The following KDM2B variants were observed in gnomAD, a reference collection of about 807,000 sequenced individuals.
The protein encoded by KDM2B is lysine demethylase 2B.
In KDM2B, 26 loss-of-function variants were observed where a neutral mutation model predicts 150.0. That is an observed-to-expected ratio of 0.17 (90% CI 0.13 to 0.24). The LOEUF is 0.24. Ranked by LOEUF, KDM2B falls within the 10% of genes least tolerant of loss-of-function variation. The pLI is 1.00. For synonymous variants in KDM2B, 734 were observed against 729.5 expected, an observed-to-expected ratio of 1.01 and a Z score of -0.10; for missense variants, 1,265 against 1,816.9, an observed-to-expected ratio of 0.70 and a Z score of 5.52.
chr12:121,560,882 C>G (rs1555313746), intron 4 of KDM2B, among the ~76,000 whole-genome samples: 1 of 152,196 alleles, frequency 6.6e-6, no homozygotes, highest in African/African-American at 2.4e-5. Context: ...TTAGGAGCAG[C>G]CATCCCTAGA....
chr12:121,493,062 T>C (rs1222560202), intron 12 of KDM2B, among the ~76,000 whole-genome samples: 1 of 130,148 alleles, frequency 7.7e-6, no homozygotes, highest in Non-Finnish European at 1.6e-5. Context: ...TGCCTGGCTT[T>C]TTTTTTTTTT....
At chr12:121,580,172 G>C in intron 1 of KDM2B, 7 of 1,308,256 alleles carry the variant, frequency 5.4e-6, no homozygotes, top group South Asian at 2.1e-5. Flanking sequence ...AAGCAAGCCA[G>C]AGCCGAGATC....
intron 12 of KDM2B, among the ~76,000 whole-genome samples, chr12:121,490,199 C>T (rs1486417344): frequency 1.3e-5 from 2 of 152,148 alleles, no homozygotes; most frequent in Admixed American, 6.5e-5. Context: ...CACAAGGCAT[C>T]GAGGGTGTGT....
chr12:121,443,077 G>C (rs1555289041), intron 17 of KDM2B, 47 bp from the exon 18 acceptor site: 4 of 1,574,028 alleles, frequency 2.5e-6, no homozygotes, highest in Middle Eastern at 1.7e-4. Context: ...CGGGCTCGTG[G>C]GATTTGGTCT....
intron 21 of KDM2B, 29 bp from the exon 22 acceptor site, chr12:121,440,104 C>T (rs1874721746): frequency 4.5e-6 from 7 of 1,548,820 alleles, no homozygotes; most frequent in South Asian, 2.3e-5. Context: ...GGGGGCAACC[C>T]GTCAATCTGA....
intron 1 of KDM2B, 71 bp from the exon 2 acceptor site, chr12:121,579,017 C>T (rs913286712): frequency 1.3e-6 from 2 of 1,514,718 alleles, no homozygotes; most frequent in Non-Finnish European, 1.8e-6. Context: ...AACCTGGGCC[C>T]AGCACTAACA....
At position 121,520,517 on chromosome 12, in the gene KDM2B, C is replaced by A. The variant is rs567297231; in HGVS notation, c.1047+468G>T. 3.9e-5 allele frequency among the ~76,000 whole-genome samples: 6 copies of A among 152,236 alleles called. No homozygotes were observed. In the South Asian group the frequency reaches 8.3e-4, roughly 21 times the overall value. ...GTACCCAGGGGGACTCAGGCACTGG[C>A]TTCCTCAGGCTTCCTCCCCAGTCAG... On this transcript the variant is annotated intron_variant, in intron 9 of 22. Transcript: ENST00000377071. The surrounding 1 kb of genome is among the most constrained non-coding windows in gnomAD (Gnocchi z 4.5).
chr12:121,429,543 T>C lies in KDM2B; in HGVS notation c.*745A>G, dbSNP rs1872708193. 1 of 160,526 alleles carries C rather than the reference T, an allele frequency of 6.2e-6. No individual in the cohort carries two copies. The highest frequency in any genetic ancestry group is 1.4e-5 in the Non-Finnish European group (1 of 72,932). The allele number at this position is 160,526 out of a possible 1,614,324, so 9.9% of individuals were successfully genotyped here. A position where few individuals can be genotyped will look rare whatever the true frequency, so the allele number is the denominator to read the frequency against. The stretch of plus-strand genomic sequence containing the variant: ...GGAAACTTGGCAGAGTATCTTACTT[T>C]GACTATAATTTACATTTATCCACAA... On this transcript the variant is annotated 3_prime_UTR_variant, in exon 23 of 23. Transcript: ENST00000377071.
rs374767792 is a variant in KDM2B at position 121,444,008 on chromosome 12, G to A, written c.2451+4C>T. 2.3e-5 allele frequency: 37 copies of A among 1,604,006 alleles called. No individual in the cohort carries two copies. The highest frequency in any genetic ancestry group is 1.7e-4 in the Middle Eastern group (1 of 6,012). On this transcript the variant is annotated splice_donor_region_variant and intron_variant, in intron 16 of 22. Coordinates refer to ENST00000377071, the MANE Select transcript of KDM2B (RefSeq NM_032590.5). ...TTTGCCTCCCAGCCCCTCCTGGTCCGTACCCGCTTGCGTCCACTCAGCTCC... is the reference window on the plus strand; with the variant it reads ...TTTGCCTCCCAGCCCCTCCTGGTCCATACCCGCTTGCGTCCACTCAGCTCC...
rs1475458382 is a variant in KDM2B at position 121,453,341 on chromosome 12, G to A, written c.1738C>T (p.Arg580Trp). Residue 580 changes from arginine (R) to tryptophan (W), a missense_variant, in exon 13 of 23, where the codon CGG (arginine) becomes TGG (tryptophan). Around this residue, in one of 11 missense-constraint regions of KDM2B, gnomAD observed 69 missense variants for 85.7 expected, o/e 0.81. Coordinates refer to ENST00000377071, the MANE Select transcript of KDM2B (RefSeq NM_032590.5). This position sits in a 1 kb window ranked among gnomAD's most constrained non-coding sequence, Gnocchi z 6.4. ...VTWPKKTPKN[R>W]AVGRPKGKLG... is the part of the protein sequence containing the mutation. Reference sequence around the variant, plus strand: ...TTCCCCTTGGGCCGACCCACAGCCCGGTTCTGCAGGGGAACAGACACGACT... The same window carrying A: ...TTCCCCTTGGGCCGACCCACAGCCCAGTTCTGCAGGGGAACAGACACGACT... 5.1e-6 allele frequency: 8 copies of A among 1,569,756 alleles called. No homozygotes were observed. The highest frequency in any genetic ancestry group is 1.2e-5 in the South Asian group (1 of 85,740).
At chr12:121,504,006 C>T (rs1227990041) in intron 11 of KDM2B, among the ~76,000 whole-genome samples, 3 of 152,348 alleles carry the variant, frequency 2.0e-5, no homozygotes, top group Admixed American at 1.3e-4. Context: ...AGGGTCTCCT[C>T]TGTCCTGAGT....
chr12:121,426,444 T>TCC (rs1246536927), downstream of KDM2B, among the ~76,000 whole-genome samples: 11 of 114,058 alleles, frequency 9.6e-5, no homozygotes, highest in African/African-American at 3.9e-4. Flanking sequence ...TTCTACCCCC[T>TCC]CCCCCCCCTT....
chr12:121,559,979 T>C (rs1555313601), intron 4 of KDM2B, among the ~76,000 whole-genome samples: 2 of 152,014 alleles, frequency 1.3e-5, no homozygotes, highest in Non-Finnish European at 2.9e-5. Context: ...AAAATGGGTA[T>C]TTAATAATTT....
At chr12:121,539,342 A>G (rs1453775991) in intron 6 of KDM2B, among the ~76,000 whole-genome samples, 1 of 151,040 alleles carries the variant, frequency 6.6e-6, no homozygotes, top group Non-Finnish European at 1.5e-5. Context: ...AAAAAAAAAA[A>G]AAAAAAAAAA....
intron 8 of KDM2B, among the ~76,000 whole-genome samples, chr12:121,526,263 G>C (rs1887122604): frequency 6.6e-6 from 1 of 152,112 alleles, no homozygotes; most frequent in Non-Finnish European, 1.5e-5. Context: ...TGAGGCAGGA[G>C]AATCACTTGA....
chr12:121,494,736 A>T (rs1260760327), intron 11 of KDM2B, 71 bp from the exon 12 acceptor site: 2 of 1,187,158 alleles, frequency 1.7e-6, no homozygotes, highest in Admixed American at 4.6e-5. Flanking sequence ...TGAACAGCAG[A>T]CATAGTCCAG....
rs919422050 is a variant in KDM2B at position 121,521,187 on chromosome 12, G to A, written c.932-87C>T. ...AAGGCTGCAGGGAGGGAGAGCGAGCGTGCAGGAGGGTGCAGGGAGTGGAGA... is the reference window on the plus strand; with the variant it reads ...AAGGCTGCAGGGAGGGAGAGCGAGCATGCAGGAGGGTGCAGGGAGTGGAGA... On this transcript the variant is annotated intron_variant, in intron 8 of 22. Coordinates refer to ENST00000377071, the MANE Select transcript of KDM2B (RefSeq NM_032590.5). The surrounding 1 kb of genome is among the most constrained non-coding windows in gnomAD (Gnocchi z 4.9). The A allele has an allele frequency of 4.1e-5, 34 of 836,944 alleles. No individual in the cohort carries two copies. The Middle Eastern group carries it at 3.0e-3, about 75-fold the overall frequency. 51.8% of individuals were successfully genotyped at this position (836,944 alleles called of 1,614,324 possible). A position where few individuals can be genotyped will look rare whatever the true frequency, so the allele number is the denominator to read the frequency against.
chr12:121,502,545 G>A (rs906082592), intron 11 of KDM2B, among the ~76,000 whole-genome samples: 3 of 151,930 alleles, frequency 2.0e-5, no homozygotes, highest in South Asian at 4.2e-4. Context: ...CACTTGAACC[G>A]AGGAGGCGGA....
In KDM2B at chr12:121,460,246, T is replaced by C. The variant is rs549520992; in HGVS notation, c.1735-6902A>G. On this transcript the variant is annotated intron_variant, in intron 12 of 22. Coordinates refer to ENST00000377071, the MANE Select transcript of KDM2B (RefSeq NM_032590.5). Reference sequence around the variant, plus strand: ...AATGTGTCCCCTAGTCTGAAAGGCATTACACTCTGGAAAAAGAAAGACATG... The same window carrying C: ...AATGTGTCCCCTAGTCTGAAAGGCACTACACTCTGGAAAAAGAAAGACATG... Among the ~76,000 whole-genome samples the C allele has an allele frequency of 2.2e-4, 33 of 152,304 alleles. No individual in the cohort carries two copies. In the South Asian group the frequency reaches 6.6e-3, roughly 31 times the overall value.
Sources: gnomAD v4.1 joint callset for allele counts (sites outside exome capture counted in the v4.1 genomes callset) on GRCh38, gnomAD v4.1.1 for gene constraint, gnomAD v4.1.1 regional missense constraint, Gnocchi (gnomAD v3.1) non-coding constraint, MANE v1.5 for transcripts, NCBI Gene and HGNC (gene_info 2026-07-23, HGNC 2026-07-21) for gene names.